IKZF1: variants seen among roughly 807,000 people sequenced by gnomAD.
The protein encoded by IKZF1 is IKAROS family zinc finger 1, also known as DNA-binding protein Ikaros.
Under a neutral mutation model 51.7 loss-of-function variants are expected in IKZF1, and 10 were observed. The observed-to-expected ratio is 0.19, with a 90% confidence interval of 0.12 to 0.33. The LOEUF is 0.33. Among genes scored for constraint, IKZF1 ranks in the 10% least tolerant of loss-of-function variants. The pLI, the probability that IKZF1 is intolerant of heterozygous loss-of-function variation, is 1.00. For missense variants in IKZF1, 484 were observed against 707.5 expected, an observed-to-expected ratio of 0.68 and a Z score of 3.58; for synonymous variants, 280 against 282.3, an observed-to-expected ratio of 0.99 and a Z score of 0.08.
In IKZF1 at chr7:50,400,609, C is replaced by T. The variant is rs1211011820; in HGVS notation, c.1542C>T (p.His514=). The change falls in exon 8 of 8, where the codon CAC becomes CAT. Residue 514 remains histidine, a synonymous_variant. Coordinates refer to ENST00000331340, the MANE Select transcript of IKZF1 (RefSeq NM_006060.6). The surrounding 1 kb of genome is among the most constrained non-coding windows in gnomAD (Gnocchi z 5.4). ...CGTCGCACATAACGCGAGGGGAGCACCGCTTCCACATGAGCTAAAGCCCTC... is the reference window on the plus strand; with the variant it reads ...CGTCGCACATAACGCGAGGGGAGCATCGCTTCCACATGAGCTAAAGCCCTC... ...EFSSHITRGE[H]RFHMS The T allele has an allele frequency of 5.0e-6, 8 of 1,610,720 alleles. No individual in the cohort carries two copies. Among genetic ancestry groups the T allele is most frequent in the South Asian group, 2.2e-5 (2 of 91,070 alleles).
chr7:50,391,500 A>G (rs559254270), intron 6 of IKZF1, among the ~76,000 whole-genome samples: 29 of 152,222 alleles, frequency 1.9e-4, no homozygotes, highest in African/African-American at 6.7e-4. Flanking sequence ...AAAGAGGATG[A>G]TGTGTGGTGA....
intron 3 of IKZF1, among the ~76,000 whole-genome samples, chr7:50,375,752 C>T (rs1351814368): frequency 1.4e-5 from 2 of 138,566 alleles, no homozygotes; most frequent in African/African-American, 5.3e-5. Flanking sequence ...GCTTCTTTCC[C>T]TTTGGAAAAA....
chr7:50,391,062 T>C (rs909552989), intron 6 of IKZF1, among the ~76,000 whole-genome samples: 1 of 152,232 alleles, frequency 6.6e-6, no homozygotes, highest in African/African-American at 2.4e-5. Context: ...CTATGCAGGA[T>C]ACAAAGTTGT....
intron 3 of IKZF1, among the ~76,000 whole-genome samples, chr7:50,366,496 G>A (rs1806996441): frequency 6.6e-6 from 1 of 152,186 alleles, no homozygotes; most frequent in African/African-American, 2.4e-5. Context: ...GACCTCCCCA[G>A]TGCTGTAGTC....
chr7:50,351,121 T>G (rs1448248411), intron 3 of IKZF1, among the ~76,000 whole-genome samples: 1 of 152,218 alleles, frequency 6.6e-6, no homozygotes, highest in Non-Finnish European at 1.5e-5. Flanking sequence ...ACCAAAACAT[T>G]TACCACATCT....
At chr7:50,373,464 G>T (rs999878407) in intron 3 of IKZF1, among the ~76,000 whole-genome samples, 1 of 152,170 alleles carries the variant, frequency 6.6e-6, no homozygotes, top group African/African-American at 2.4e-5. Flanking sequence ...AAGTCAAGCC[G>T]CGTAGGGGAA....
intron 3 of IKZF1, among the ~76,000 whole-genome samples, chr7:50,352,144 G>A (rs141953975): frequency 9.1e-4 from 138 of 152,306 alleles, no homozygotes; most frequent in African/African-American, 3.1e-3. Flanking sequence ...ACTGTGTAGT[G>A]CTCTTTCAGC....
At chr7:50,381,657 C>T (rs1033972512) in intron 4 of IKZF1, among the ~76,000 whole-genome samples, 1 of 152,210 alleles carries the variant, frequency 6.6e-6, no homozygotes, top group African/African-American at 2.4e-5. Context: ...AGAATTCCTT[C>T]ATAACAACTA....
intron 3 of IKZF1, among the ~76,000 whole-genome samples, chr7:50,361,655 A>T (rs1805273961): frequency 6.6e-6 from 1 of 152,210 alleles, no homozygotes; most frequent in African/African-American, 2.4e-5. Context: ...AGGTGGGCTG[A>T]TCACAAGGTC....
At chr7:50,351,806 C>T (rs1232597153) in intron 3 of IKZF1, among the ~76,000 whole-genome samples, 2 of 152,194 alleles carry the variant, frequency 1.3e-5, no homozygotes, top group East Asian at 3.8e-4. Context: ...CATTTTATTT[C>T]TTGTGTATTT....
intron 1 of IKZF1, among the ~76,000 whole-genome samples, chr7:50,306,450 T>C (rs1262400589): frequency 6.6e-6 from 1 of 152,220 alleles, no homozygotes; most frequent in Non-Finnish European, 1.5e-5. Context: ...AGTACTTGTT[T>C]AATTCATCAG....
intron 2 of IKZF1, among the ~76,000 whole-genome samples, chr7:50,320,421 C>T (rs900445231): frequency 2.0e-5 from 3 of 152,094 alleles, no homozygotes; most frequent in African/African-American, 7.2e-5. Flanking sequence ...AAACATTTAT[C>T]GTTTCTTTGT....
intron 3 of IKZF1, among the ~76,000 whole-genome samples, chr7:50,373,308 A>G (rs1262236787): frequency 2.6e-5 from 4 of 152,356 alleles, no homozygotes; most frequent in East Asian, 3.9e-4. Context: ...AGCACACGCC[A>G]TAGAGCATGC....
chr7:50,312,859 G>A (rs1054245664), intron 1 of IKZF1, among the ~76,000 whole-genome samples: 3 of 152,214 alleles, frequency 2.0e-5, no homozygotes, highest in Admixed American at 1.3e-4. Context: ...GGAGGGTGGT[G>A]TGAAAGCCAA....
chr7:50,386,175 C>T (rs1584947693), intron 5 of IKZF1, among the ~76,000 whole-genome samples: 1 of 152,336 alleles, frequency 6.6e-6, no homozygotes, highest in East Asian at 1.9e-4. Context: ...AAAATGGTAT[C>T]TACTGAAGTC....
At chr7:50,350,304 T>C (rs928145244) in intron 3 of IKZF1, among the ~76,000 whole-genome samples, 1 of 152,202 alleles carries the variant, frequency 6.6e-6, no homozygotes, top group Non-Finnish European at 1.5e-5. Flanking sequence ...CAGAGGCTGG[T>C]CCCTGACTCT....
intron 5 of IKZF1, among the ~76,000 whole-genome samples, chr7:50,384,880 T>A (rs1301564367): frequency 6.6e-6 from 1 of 152,224 alleles, no homozygotes; most frequent in Non-Finnish European, 1.5e-5. Flanking sequence ...CAACCATAGG[T>A]CATCATCACT....
rs1189169812 is a variant in IKZF1, at chr7:50,336,069, C to G, written c.160+8312C>G. On this transcript the variant is annotated intron_variant, in intron 3 of 7. Transcript: ENST00000331340. ...CTCCATGTCTGACATTCCTGTTAAG[C>G]AGGTGGCTTTAGGGAGAAGCATTGA... is the stretch of plus-strand genomic sequence containing the variant. 2.6e-5 allele frequency among the ~76,000 whole-genome samples: 4 copies of G among 152,120 alleles called. No homozygotes were observed. The East Asian group carries it at 7.7e-4, about 29-fold the overall frequency.
At position 50,402,962 on chromosome 7, in the gene IKZF1, T is replaced by A. The variant is rs1393372595; in HGVS notation, c.*2335T>A. ...TTCTTAGAGTCAGTTTGTTGCAAAT[T>A]TCACCTACTCTGTTCTTTTCCATCC... On this transcript the variant is annotated 3_prime_UTR_variant, in exon 8 of 8. Transcript: ENST00000331340. 5 of 228,340 alleles carry A rather than the reference T, an allele frequency of 2.2e-5. No homozygotes were observed. The Admixed American group carries it at 2.8e-4, about 13-fold the overall frequency. The allele number at this position is 228,340 out of a possible 1,614,324, so 14.1% of individuals were successfully genotyped here. A position where few individuals can be genotyped will look rare whatever the true frequency, so the allele number is the denominator to read the frequency against.
Sources: allele counts gnomAD v4.1 joint callset (sites outside exome capture counted in the v4.1 genomes callset), GRCh38; gene constraint gnomAD v4.1.1; non-coding constraint Gnocchi (gnomAD v3.1); transcripts MANE v1.5; gene names NCBI Gene and HGNC (gene_info 2026-07-23, HGNC 2026-07-21).